The following CSMD3 variants were observed in gnomAD, a reference collection of about 807,000 sequenced individuals.
CSMD3 encodes the protein CUB and Sushi multiple domains 3.
A neutral mutation model predicts 435.2 loss-of-function variants in CSMD3; 177 were observed. The observed-to-expected ratio is 0.41, with a 90% CI of 0.36 to 0.46. CSMD3 has a LOEUF of 0.46. Among genes scored for constraint, CSMD3 ranks in the 20% least tolerant of loss-of-function variants. CSMD3 has a pLI of 0.34. For synonymous variants in CSMD3, 1,656 were observed against 1,520.5 expected, an observed-to-expected ratio of 1.09 and a Z score of -2.07; for missense variants, 4,265 against 4,504.6, an observed-to-expected ratio of 0.95 and a Z score of 1.52.
intron 2 of CSMD3, among the ~76,000 whole-genome samples, chr8:113,293,495 AG>A (rs2093699858): frequency 6.6e-6 from 1 of 152,048 alleles, no homozygotes; most frequent in South Asian, 2.1e-4. Context: ...CCCCATCTAT[AG>A]GGTGAGCATC....
intron 4 of CSMD3, among the ~76,000 whole-genome samples, chr8:113,105,843 C>A (rs986868016): frequency 1.3e-5 from 2 of 150,936 alleles, no homozygotes; most frequent in Non-Finnish European, 2.9e-5. Context: ...TAAATCCAGA[C>A]ACTAAATATC....
Position 112,405,255 on chromosome 8 carries a change from A to T in CSMD3, c.5809+1269T>A, listed in dbSNP as rs1831741379. Among the ~76,000 whole-genome samples, 11 of 136,118 alleles carry T rather than the reference A, an allele frequency of 8.1e-5. No homozygotes were observed. In the South Asian group the frequency reaches 2.5e-3, roughly 31 times the overall value. The allele number at this position is 136,118 out of a possible 152,430, so 89.3% of individuals were successfully genotyped here. A position where few individuals can be genotyped will look rare whatever the true frequency, so the allele number is the denominator to read the frequency against. On this transcript the variant is annotated intron_variant, in intron 35 of 70. Coordinates refer to ENST00000297405, the MANE Select transcript of CSMD3 (RefSeq NM_198123.2). ...TATATATATATATATATACATATATATATACACATATCTTATTTTTAACAT... is the reference window on the plus strand; with the variant it reads ...TATATATATATATATATACATATATTTATACACATATCTTATTTTTAACAT...
At chr8:112,398,304 C>T (rs1176767346) in intron 35 of CSMD3, among the ~76,000 whole-genome samples, 3 of 152,168 alleles carry the variant, frequency 2.0e-5, no homozygotes, top group Admixed American at 1.3e-4. Context: ...AGTCTTACTT[C>T]TGTAGGTTTG....
At position 112,556,664 on chromosome 8, in the gene CSMD3, T is replaced by C. The variant is rs1008043098; in HGVS notation, c.4234+99A>G. 2.8e-5 allele frequency: 25 copies of C among 885,764 alleles called. No individual in the cohort carries two copies. In the Admixed American group the frequency reaches 4.9e-4, roughly 18 times the overall value. The allele number at this position is 885,764 out of a possible 1,614,324, so 54.9% of individuals were successfully genotyped here. ...AGTTCATTAATTTCTCGATATAAAG[T>C]GTTAGTTCTATGAGGACAGAAAGAA... On this transcript the variant is annotated intron_variant, in intron 25 of 70. Coordinates refer to ENST00000297405, the MANE Select transcript of CSMD3 (RefSeq NM_198123.2).
chr8:112,241,625 A>G (rs1814154214), intron 66 of CSMD3, 95 bp downstream of exon 66: 1 of 833,054 alleles, frequency 1.2e-6, no homozygotes. Context: ...TTTTATACTT[A>G]AATATATTTT....
intron 3 of CSMD3, among the ~76,000 whole-genome samples, chr8:113,187,175 CT>C: frequency 6.7e-6 from 1 of 149,950 alleles, no homozygotes; most frequent in African/African-American, 2.5e-5. Context: ...TCTTCTTTTC[CT>C]TTTTCACCCA....
At chr8:113,175,104 T>C (rs2092328180) in intron 3 of CSMD3, among the ~76,000 whole-genome samples, 1 of 151,856 alleles carries the variant, frequency 6.6e-6, no homozygotes, top group African/African-American at 2.4e-5. Flanking sequence ...TTACAAACCA[T>C]TGTAATAATT....
intron 13 of CSMD3, among the ~76,000 whole-genome samples, chr8:112,794,362 C>T (rs1050355823): frequency 2.1e-5 from 3 of 140,318 alleles, no homozygotes; most frequent in South Asian, 4.6e-4. Flanking sequence ...GGCGCGGTCT[C>T]GTCTCACTGC....
chr8:113,284,815 T>A (rs1291545767), intron 2 of CSMD3, among the ~76,000 whole-genome samples: 1 of 152,206 alleles, frequency 6.6e-6, no homozygotes, highest in Non-Finnish European at 1.5e-5. Flanking sequence ...ATCAGTTATA[T>A]TCCCTCCGCG....
chr8:113,193,487 CCTT>C (rs558020575), intron 3 of CSMD3, among the ~76,000 whole-genome samples: 1 of 137,548 alleles, frequency 7.3e-6, no homozygotes, highest in South Asian at 2.3e-4. Context: ...TAAGATTCAA[CCTT>C]CTAATGACTT....
intron 13 of CSMD3, among the ~76,000 whole-genome samples, chr8:112,701,132 G>GATAAT (rs1292292987): frequency 6.6e-6 from 1 of 152,016 alleles, no homozygotes; most frequent in East Asian, 1.9e-4. Flanking sequence ...TATAATCTTT[G>GATAAT]CTTCAACTAT....
At chr8:112,791,975 A>G (rs1268364055) in intron 13 of CSMD3, among the ~76,000 whole-genome samples, 1 of 152,142 alleles carries the variant, frequency 6.6e-6, no homozygotes, top group African/African-American at 2.4e-5. Flanking sequence ...AATGATGTTG[A>G]ACATTTTTTC....
At chr8:112,234,873 C>T (rs974894695) in intron 67 of CSMD3, among the ~76,000 whole-genome samples, 15 of 152,128 alleles carry the variant, frequency 9.9e-5, no homozygotes, top group Non-Finnish European at 2.9e-5. Context: ...TAGTTGCCAA[C>T]TCAGTGAAAA....
chr8:113,067,251 G>A (rs2088899370), intron 5 of CSMD3, among the ~76,000 whole-genome samples: 1 of 152,054 alleles, frequency 6.6e-6, no homozygotes, highest in Non-Finnish European at 1.5e-5. Flanking sequence ...AGCAATGTGA[G>A]AATGGACTAA....
At chr8:112,717,250 G>A (rs920184264) in intron 13 of CSMD3, among the ~76,000 whole-genome samples, 34 of 151,608 alleles carry the variant, frequency 2.2e-4, no homozygotes, top group African/African-American at 6.1e-4. Flanking sequence ...CATAAAAGGC[G>A]GGTGAAGGAC....
At chr8:112,876,640 T>C (rs940667166) in intron 10 of CSMD3, among the ~76,000 whole-genome samples, 2 of 152,100 alleles carry the variant, frequency 1.3e-5, no homozygotes, top group African/African-American at 4.8e-5. Flanking sequence ...CAGCGCTTCA[T>C]GCTAAAAACT....
At chr8:112,299,334 T>C (rs1426013317) in intron 53 of CSMD3, among the ~76,000 whole-genome samples, 4 of 152,110 alleles carry the variant, frequency 2.6e-5, no homozygotes, top group African/African-American at 7.2e-5. Context: ...TTATGATCTA[T>C]GTACTTCACT....
chr8:113,253,528 C>T (rs1216877159), intron 3 of CSMD3, among the ~76,000 whole-genome samples: 1 of 151,784 alleles, frequency 6.6e-6, no homozygotes, highest in East Asian at 1.9e-4. Context: ...CATCCCTCCA[C>T]TTCATTCAAC....
At chr8:112,513,624 A>C (rs1344495427) in intron 28 of CSMD3, among the ~76,000 whole-genome samples, 1 of 152,238 alleles carries the variant, frequency 6.6e-6, no homozygotes, top group Non-Finnish European at 1.5e-5. Flanking sequence ...TGAAGTGAGC[A>C]GATGCCATTG....
Sources: gnomAD v4.1 joint callset for allele counts (sites outside exome capture counted in the v4.1 genomes callset) on GRCh38, gnomAD v4.1.1 for gene constraint, MANE v1.5 for transcripts, NCBI Gene and HGNC (gene_info 2026-07-23, HGNC 2026-07-21) for gene names.